PARD3B: variants seen among roughly 807,000 people sequenced by gnomAD.
PARD3B encodes partitioning defective 3 homolog B.
A neutral mutation model predicts 130.2 loss-of-function variants in PARD3B; 103 were observed. That is an observed-to-expected ratio of 0.79 (90% CI 0.67 to 0.93). The LOEUF (loss-of-function observed/expected upper bound fraction) is 0.93, where lower values mean the gene tolerates loss of function less well. PARD3B is among the 40% of genes least tolerant of loss of function. PARD3B has a pLI of 0.00. For synonymous variants in PARD3B, 583 were observed against 553.2 expected (o/e 1.05, Z -0.76); for missense variants, 1,609 against 1,499.2 (o/e 1.07, Z -1.21).
At position 204,806,701 on chromosome 2, in the gene PARD3B, G is replaced by C. The variant is rs922092284; in HGVS notation, c.222+120419G>C. On this transcript the variant is annotated intron_variant, in intron 2 of 22. Coordinates refer to ENST00000406610, the MANE Select transcript of PARD3B (RefSeq NM_001302769.2). ...ATGGAAATACTCAACAAAGTGAAGA[G>C]AGAACCCACAAAATGGTAGAAAATA... is the stretch of plus-strand genomic sequence containing the variant. 1.8e-4 allele frequency among the ~76,000 whole-genome samples: 28 copies of C among 152,130 alleles called. 1 individual carries two copies. Among genetic ancestry groups the C allele is most frequent in the Non-Finnish European group, 1.5e-5 (1 of 68,016 alleles).
At chr2:205,594,808 T>C (rs1259477140) in intron 22 of PARD3B, among the ~76,000 whole-genome samples, 1 of 152,186 alleles carries the variant, frequency 6.6e-6, no homozygotes, top group African/African-American at 2.4e-5. Context: ...GACATATCAG[T>C]GTAGAGTAGG....
intron 13 of PARD3B, among the ~76,000 whole-genome samples, chr2:205,182,535 C>T (rs74268584): frequency 0.17 from 25,639 of 151,482 alleles, 2,301 homozygotes; most frequent in Middle Eastern, 0.22. Flanking sequence ...AAGAGGAACA[C>T]GAGGAGAAAG....
rs560647339 is a variant in PARD3B at position 205,258,584 on chromosome 2, G to A, written c.2185+12762G>A. Among the ~76,000 whole-genome samples, 16 of 152,272 alleles carry A rather than the reference G, an allele frequency of 1.1e-4. No homozygotes were observed. The highest frequency in any genetic ancestry group is 9.8e-4 in the Admixed American group (15 of 15,288). ...ACCTCCAGAAGTGAGCTTCATGAAG[G>A]CAGAGACTTTGTATCCCCAGTTCCA... On this transcript the variant is annotated intron_variant, in intron 16 of 22. Transcript: ENST00000406610. The surrounding 1 kb of genome is among the most constrained non-coding windows in gnomAD (Gnocchi z 4.9).
chr2:205,578,539 T>C (rs1244379664), intron 22 of PARD3B, among the ~76,000 whole-genome samples: 2 of 152,144 alleles, frequency 1.3e-5, no homozygotes, highest in African/African-American at 4.8e-5. Flanking sequence ...CTATGAAACA[T>C]AAATAAAACA....
intron 11 of PARD3B, among the ~76,000 whole-genome samples, chr2:205,162,892 T>C (rs536740819): frequency 6.6e-6 from 1 of 152,328 alleles, no homozygotes; most frequent in East Asian, 1.9e-4. Context: ...ACATTTTAAA[T>C]TCATTTTGAG....
intron 2 of PARD3B, among the ~76,000 whole-genome samples, chr2:204,886,193 G>T (rs1444564929): frequency 6.6e-6 from 1 of 152,134 alleles, no homozygotes; most frequent in African/African-American, 2.4e-5. Context: ...ATCTTCTCTG[G>T]GTGGATTGGT....
chr2:205,578,408 G>A (rs2053842405), intron 22 of PARD3B, among the ~76,000 whole-genome samples: 1 of 152,160 alleles, frequency 6.6e-6, no homozygotes, highest in South Asian at 2.1e-4. Context: ...TCTTGCACAT[G>A]TTTGTGACAT....
intron 1 of PARD3B, among the ~76,000 whole-genome samples, chr2:204,561,691 G>A (rs908820705): frequency 6.6e-6 from 1 of 151,556 alleles, no homozygotes; most frequent in African/African-American, 2.4e-5. Context: ...CGCCTCCAGG[G>A]TTCAAGTGAT....
intron 21 of PARD3B, among the ~76,000 whole-genome samples, chr2:205,523,245 A>ATATATATATATATATATATATATT (rs1559176291): frequency 6.9e-6 from 1 of 145,106 alleles, no homozygotes; most frequent in East Asian, 2.0e-4. Flanking sequence ...ATATATATTT[A>ATATATATATATATATATATATATT]TATATATATA....
chr2:205,199,236 T>G (rs1182258976), intron 15 of PARD3B, among the ~76,000 whole-genome samples: 1 of 152,024 alleles, frequency 6.6e-6, no homozygotes, highest in Non-Finnish European at 1.5e-5. Flanking sequence ...GTACCTAGAT[T>G]AGAACCCCAA....
At chr2:204,731,770 T>G (rs1295977807) in intron 2 of PARD3B, among the ~76,000 whole-genome samples, 1 of 152,184 alleles carries the variant, frequency 6.6e-6, no homozygotes, top group African/African-American at 2.4e-5. Context: ...TACAACTGTT[T>G]GTGGCCTAGA....
chr2:204,924,666 A>G (rs918620858), intron 2 of PARD3B, among the ~76,000 whole-genome samples: 1 of 152,078 alleles, frequency 6.6e-6, no homozygotes, highest in African/African-American at 2.4e-5. Flanking sequence ...AGAAATGCTG[A>G]ATATTAGAAA....
At chr2:204,797,189 A>C (rs2042405187) in intron 2 of PARD3B, among the ~76,000 whole-genome samples, 1 of 151,862 alleles carries the variant, frequency 6.6e-6, no homozygotes, top group South Asian at 2.1e-4. Flanking sequence ...AAAAAAAAAA[A>C]AAAAAAGTTT....
At chr2:205,192,738 TC>T (rs2036462227) in intron 14 of PARD3B, among the ~76,000 whole-genome samples, 2 of 152,180 alleles carry the variant, frequency 1.3e-5, no homozygotes, top group South Asian at 2.1e-4. Context: ...AAAACCAAAC[TC>T]CTACAGGCAT....
At position 205,427,539 on chromosome 2, in the gene PARD3B, T is replaced by C. The variant is rs537374851; in HGVS notation, c.2742-12831T>C. Among the ~76,000 whole-genome samples, 3 of 152,222 alleles carry C rather than the reference T, an allele frequency of 2.0e-5. No individual in the cohort carries two copies. The South Asian group carries it at 6.2e-4, about 32-fold the overall frequency. On this transcript the variant is annotated intron_variant, in intron 19 of 22. Transcript: ENST00000406610. ...TGTAAAAAAGCAAAGTATAGAAAAA[T>C]ATGGACAGTATGCTACCTTTTGTGT...
intron 15 of PARD3B, among the ~76,000 whole-genome samples, chr2:205,243,604 T>C (rs960783413): frequency 1.3e-5 from 2 of 152,192 alleles, no homozygotes; most frequent in African/African-American, 4.8e-5. Context: ...AAGATAACTA[T>C]TAATAGCATA....
intron 16 of PARD3B, among the ~76,000 whole-genome samples, chr2:205,248,708 G>A (rs1401330414): frequency 1.4e-5 from 2 of 142,364 alleles, no homozygotes; most frequent in South Asian, 2.3e-4. Context: ...CCGGGTTCAC[G>A]CCATTTCTCC....
chr2:205,062,435 G>A (rs749751463), intron 4 of PARD3B, among the ~76,000 whole-genome samples: 1 of 151,988 alleles, frequency 6.6e-6, no homozygotes, highest in Non-Finnish European at 1.5e-5. Context: ...CTCAGTTCCT[G>A]CTCCCCGCTC....
chr2:205,416,945 T>G (rs534486215), intron 19 of PARD3B, among the ~76,000 whole-genome samples: 2 of 152,252 alleles, frequency 1.3e-5, no homozygotes, highest in South Asian at 2.1e-4. Flanking sequence ...TCTTTTTTAT[T>G]TTACTTTAAG....
Sources: gnomAD v4.1 joint callset for allele counts (sites outside exome capture counted in the v4.1 genomes callset) on GRCh38, gnomAD v4.1.1 for gene constraint, Gnocchi (gnomAD v3.1) non-coding constraint, MANE v1.5 for transcripts, NCBI Gene and HGNC (gene_info 2026-07-23, HGNC 2026-07-21) for gene names.